Variants in MID1 observed in about 807,000 individuals in gnomAD.
MID1 encodes E3 ubiquitin-protein ligase Midline-1.
Under a neutral mutation model 40.4 loss-of-function variants are expected in MID1, and 7 were observed. The ratio of observed to expected loss-of-function variants is 0.17; its 90% CI spans 0.10 to 0.33. MID1 has a LOEUF of 0.33. Among genes scored for constraint, MID1 ranks in the 10% least tolerant of loss-of-function variants. The pLI is 1.00. For synonymous variants in MID1, 229 were observed against 221.2 expected (o/e 1.04, Z -0.31); for missense variants, 367 against 558.5 (o/e 0.66, Z 3.46).
At chrX:10,791,791 G>A (rs1285190185) in intron 1 of MID1, among the ~76,000 whole-genome samples, 1 of 111,479 alleles carries the variant, frequency 9.0e-6, no homozygotes, top group Non-Finnish European at 1.9e-5. Context: ...GTGTGTGTGT[G>A]TGCATGTGTG....
chrX:10,749,437 G>A (rs1007657130), intron 1 of MID1, among the ~76,000 whole-genome samples: 1 of 112,126 alleles, frequency 8.9e-6, no homozygotes, highest in Non-Finnish European at 1.9e-5. Flanking sequence ...ACGAAATTTA[G>A]TACTCACCTT....
chrX:10,645,930 C>T (rs1936256762), intron 1 of MID1, among the ~76,000 whole-genome samples: 1 of 111,878 alleles, frequency 8.9e-6, no homozygotes, highest in South Asian at 3.8e-4. Flanking sequence ...AGCCTCTTTT[C>T]CCTCAGAACA....
At chrX:10,584,356 T>C (rs1390392035) in intron 1 of MID1, among the ~76,000 whole-genome samples, 1 of 112,433 alleles carries the variant, frequency 8.9e-6, no homozygotes, top group Non-Finnish European at 1.9e-5. Context: ...TTCTACGATG[T>C]TAACTCAAAG....
chrX:10,646,083 A>C (rs1338962122), intron 1 of MID1, among the ~76,000 whole-genome samples: 3 of 111,516 alleles, frequency 2.7e-5, no homozygotes, highest in African/African-American at 9.8e-5. Flanking sequence ...CACTCCCCGA[A>C]CCACACTGCC....
intron 1 of MID1, among the ~76,000 whole-genome samples, chrX:10,782,303 C>A (rs1198056109): frequency 1.8e-5 from 2 of 111,861 alleles, no homozygotes; most frequent in South Asian, 3.8e-4. Flanking sequence ...TTCCTGTCTG[C>A]CGCCCTTAGT....
chrX:10,533,021 C>T (rs563693462), intron 2 of MID1, among the ~76,000 whole-genome samples: 1 of 110,869 alleles, frequency 9.0e-6, no homozygotes, highest in Non-Finnish European at 1.9e-5. Flanking sequence ...ATCCACCCGC[C>T]TCAGCCTCCC....
intron 1 of MID1, among the ~76,000 whole-genome samples, chrX:10,817,888 G>C (rs969444500): frequency 1.8e-5 from 2 of 111,042 alleles, no homozygotes; most frequent in African/African-American, 6.6e-5. Flanking sequence ...CAAAGTGCTG[G>C]GGTAACAGGC....
chrX:10,619,495 C>G (rs761302815), intron 1 of MID1, among the ~76,000 whole-genome samples: 2 of 112,595 alleles, frequency 1.8e-5, no homozygotes, highest in African/African-American at 6.5e-5. Flanking sequence ...TCTTCCATAA[C>G]TTTGATTGAG....
At chrX:10,568,046 C>T (rs1389526566) in intron 1 of MID1, among the ~76,000 whole-genome samples, 1 of 111,239 alleles carries the variant, frequency 9.0e-6, no homozygotes, top group East Asian at 2.8e-4. Context: ...TTAATGTATA[C>T]GAGATTTAAG....
intron 1 of MID1, among the ~76,000 whole-genome samples, chrX:10,744,970 CTT>C (rs2043548774): frequency 1.8e-5 from 2 of 112,424 alleles, no homozygotes; most frequent in Non-Finnish European, 3.8e-5. Flanking sequence ...AGGGGAAACA[CTT>C]TTTTCCCAGT....
In MID1 at chrX:10,636,113, T is replaced by A. The variant is rs368821758; in HGVS notation, c.-186-15694A>T. The stretch of plus-strand genomic sequence containing the variant: ...ACAGAGGGAACAGCATGAAAGCAAC[T>A]ATAAAATGCTGGCAAAATCTGGAAG... On this transcript the variant is annotated intron_variant, in intron 1 of 10. Coordinates refer to the MID1 transcript ENST00000380785. 1.8e-4 allele frequency among the ~76,000 whole-genome samples: 20 copies of A among 112,182 alleles called. No individual in the cohort carries two copies. The South Asian group carries it at 6.9e-3, about 39-fold the overall frequency.
intron 2 of MID1, among the ~76,000 whole-genome samples, chrX:10,546,998 A>C (rs1933705241): frequency 3.6e-5 from 4 of 112,588 alleles, no homozygotes; most frequent in Admixed American, 2.8e-4. Flanking sequence ...GTCATCATTG[A>C]AAGTTTTGGG....
chrX:10,503,042 T>C (rs1177360434), intron 3 of MID1, among the ~76,000 whole-genome samples: 1 of 111,658 alleles, frequency 9.0e-6, no homozygotes, highest in Non-Finnish European at 1.9e-5. Flanking sequence ...TTATATAAGC[T>C]GATATTTGGC....
intron 1 of MID1, among the ~76,000 whole-genome samples, chrX:10,827,616 T>C (rs1268403749): frequency 9.0e-6 from 1 of 110,544 alleles, no homozygotes; most frequent in Admixed American, 9.7e-5. Flanking sequence ...TGTAGGCATA[T>C]GTTTAAAGTG....
At chrX:10,462,950 A>G (rs895279290) in intron 7 of MID1, among the ~76,000 whole-genome samples, 2 of 112,088 alleles carry the variant, frequency 1.8e-5, no homozygotes, top group East Asian at 5.6e-4. Context: ...CTAAGTGACT[A>G]CAATAAATTA....
chrX:10,629,894 T>C (rs1936033473), intron 1 of MID1, among the ~76,000 whole-genome samples: 2 of 112,062 alleles, frequency 1.8e-5, no homozygotes, highest in African/African-American at 6.5e-5. Flanking sequence ...TTTTCATCAC[T>C]CCCAGGGAAT....
rs746604573 is a variant in MID1 at position 10,717,226 on chromosome X, C to T, written c.-186-96807G>A. Among the ~76,000 whole-genome samples, 418 of 110,423 alleles carry T rather than the reference C, an allele frequency of 3.8e-3. 2 individuals are homozygous for T. The highest frequency in any genetic ancestry group is 6.1e-3 in the Non-Finnish European group (321 of 52,829). Reference sequence around the variant, plus strand: ...CCTTAAATGTAAATGGGCTAAATGCCCCAATTAAAAGACACAGACTGGCAA... The same window carrying T: ...CCTTAAATGTAAATGGGCTAAATGCTCCAATTAAAAGACACAGACTGGCAA... On this transcript the variant is annotated intron_variant, in intron 1 of 10. Transcript: ENST00000380785.
intron 1 of MID1, among the ~76,000 whole-genome samples, chrX:10,802,171 A>T (rs1031942525): frequency 9.0e-6 from 1 of 111,350 alleles, no homozygotes; most frequent in Non-Finnish European, 1.9e-5. Flanking sequence ...AAAGAGCAAG[A>T]CTCCATCTCA....
intron 5 of MID1, among the ~76,000 whole-genome samples, chrX:10,476,167 A>AAATTC (rs1929998438): frequency 8.9e-6 from 1 of 111,930 alleles, no homozygotes; most frequent in African/African-American, 3.2e-5. Flanking sequence ...AAAAAGGCAA[A>AAATTC]AATTCATAAA....
Sources: allele counts gnomAD v4.1 joint callset (sites outside exome capture counted in the v4.1 genomes callset), GRCh38; gene constraint gnomAD v4.1.1; transcripts MANE v1.5; gene names NCBI Gene and HGNC (gene_info 2026-07-23, HGNC 2026-07-21).